Variants in TMEM132D observed in about 807,000 individuals in gnomAD.
TMEM132D encodes the protein transmembrane protein 132D.
TMEM132D carries 21 observed loss-of-function variants against 62.3 expected under a neutral mutation model. That is an observed-to-expected ratio of 0.34 (90% CI 0.24 to 0.49). TMEM132D has a LOEUF of 0.49. Ranked by LOEUF, TMEM132D falls within the 20% of genes least tolerant of loss-of-function variation. TMEM132D has a pLI of 0.99. For missense variants in TMEM132D, 1,346 were observed against 1,402.8 expected, an observed-to-expected ratio of 0.96 and a Z score of 0.65; for synonymous variants, 621 against 575.6, an observed-to-expected ratio of 1.08 and a Z score of -1.13.
rs529054853 is a variant in TMEM132D at position 129,845,259 on chromosome 12, T to C, written c.79+58002A>G. On this transcript the variant is annotated intron_variant, in intron 1 of 8. Transcript: ENST00000422113. ...GCTAACTAATAATCAAAACAACACT[T>C]CCCTATAAGAATGTTTAAATGCAGA... Among the ~76,000 whole-genome samples, 250 of 152,268 alleles carry C rather than the reference T, an allele frequency of 1.6e-3. 1 individual carries two copies. The highest frequency in any genetic ancestry group is 5.4e-3 in the African/African-American group (224 of 41,544).
At chr12:129,538,399 T>C (rs1377621470) in intron 2 of TMEM132D, among the ~76,000 whole-genome samples, 4 of 152,158 alleles carry the variant, frequency 2.6e-5, no homozygotes, top group African/African-American at 7.2e-5. Context: ...GAGTATGATA[T>C]GAATGGGGCC....
chr12:129,894,927 C>T (rs540763212), intron 1 of TMEM132D, among the ~76,000 whole-genome samples: 4 of 152,182 alleles, frequency 2.6e-5, no homozygotes, highest in Non-Finnish European at 4.4e-5. Context: ...GTTAGATTGT[C>T]CTCATCTCAG....
At chr12:129,629,821 C>A (rs1333077762) in intron 2 of TMEM132D, among the ~76,000 whole-genome samples, 1 of 152,132 alleles carries the variant, frequency 6.6e-6, no homozygotes, top group African/African-American at 2.4e-5. Context: ...TGCCACATGA[C>A]CTAGCTTGGC....
In TMEM132D at chr12:129,860,690, T is replaced by C. The variant is rs1043274350; in HGVS notation, c.79+42571A>G. Among the ~76,000 whole-genome samples, 8 of 152,286 alleles carry C rather than the reference T, an allele frequency of 5.3e-5. No individual in the cohort carries two copies. In the South Asian group the frequency reaches 8.3e-4, roughly 16 times the overall value. The stretch of plus-strand genomic sequence containing the variant: ...AAAACATATCCGAGACTGGGTAATA[T>C]ATATAAAGGAAAGAGGTTTAATTGA... On this transcript the variant is annotated intron_variant, in intron 1 of 8. Coordinates refer to ENST00000422113, the MANE Select transcript of TMEM132D (RefSeq NM_133448.3).
At chr12:129,205,718 TCTC>T (rs1477641151) in intron 5 of TMEM132D, among the ~76,000 whole-genome samples, 1 of 152,072 alleles carries the variant, frequency 6.6e-6, no homozygotes, top group African/African-American at 2.4e-5. Context: ...TATACATTCT[TCTC>T]ATCACCACGT....
At chr12:129,087,838 A>C (rs1874669964) in intron 5 of TMEM132D, among the ~76,000 whole-genome samples, 1 of 147,482 alleles carries the variant, frequency 6.8e-6, no homozygotes, top group Admixed American at 6.9e-5. Flanking sequence ...GGGGAGAATG[A>C]CACACCGCAG....
At chr12:129,657,911 A>G (rs547970514) in intron 2 of TMEM132D, among the ~76,000 whole-genome samples, 190 of 152,374 alleles carry the variant, frequency 1.2e-3, no homozygotes, top group Non-Finnish European at 2.3e-3. Flanking sequence ...GAACATAATC[A>G]TGACATTGCC....
chr12:129,816,226 TG>T (rs1468608500), intron 1 of TMEM132D, among the ~76,000 whole-genome samples: 2 of 152,210 alleles, frequency 1.3e-5, no homozygotes, highest in Non-Finnish European at 2.9e-5. Flanking sequence ...ATGTAGAAAA[TG>T]ATGTCAGTCA....
intron 1 of TMEM132D, among the ~76,000 whole-genome samples, chr12:129,807,947 G>C (rs1872048853): frequency 2.0e-5 from 3 of 152,192 alleles, no homozygotes; most frequent in Non-Finnish European, 4.4e-5. Context: ...GAGTTCCAAA[G>C]CAGCAGCAAG....
At chr12:129,727,106 T>C (rs1489803843) in intron 1 of TMEM132D, among the ~76,000 whole-genome samples, 3 of 152,258 alleles carry the variant, frequency 2.0e-5, no homozygotes, top group Admixed American at 6.5e-5. Flanking sequence ...TAAAGTTCCA[T>C]TGTAGATTTT....
intron 2 of TMEM132D, among the ~76,000 whole-genome samples, chr12:129,568,371 T>A (rs1441540073): frequency 6.6e-6 from 1 of 152,186 alleles, no homozygotes; most frequent in Non-Finnish European, 1.5e-5. Flanking sequence ...CAAACGCAAT[T>A]CCCTGTGAGT....
intron 3 of TMEM132D, among the ~76,000 whole-genome samples, chr12:129,350,893 CTT>C (rs899023958): frequency 1.3e-5 from 2 of 152,226 alleles, no homozygotes; most frequent in African/African-American, 4.8e-5. Context: ...TCCACCCCAA[CTT>C]TAGGTTATGC....
chr12:129,185,371 C>A (rs923708542), intron 5 of TMEM132D, among the ~76,000 whole-genome samples: 3 of 151,970 alleles, frequency 2.0e-5, no homozygotes, highest in African/African-American at 7.3e-5. Flanking sequence ...GAAAACAAAA[C>A]AAAATAAAAC....
intron 5 of TMEM132D, among the ~76,000 whole-genome samples, chr12:129,181,765 C>T (rs1292963946): frequency 6.6e-6 from 1 of 152,194 alleles, no homozygotes; most frequent in African/African-American, 2.4e-5. Flanking sequence ...GATTCCATTT[C>T]CAAGTCATCA....
At chr12:129,563,973 G>A (rs1740954197) in intron 2 of TMEM132D, among the ~76,000 whole-genome samples, 1 of 152,180 alleles carries the variant, frequency 6.6e-6, no homozygotes, top group Non-Finnish European at 1.5e-5. Context: ...CAAACTCCTG[G>A]CTGATAGGAA....
intron 3 of TMEM132D, among the ~76,000 whole-genome samples, chr12:129,362,827 C>A (rs1480380900): frequency 6.6e-6 from 1 of 152,068 alleles, no homozygotes; most frequent in African/African-American, 2.4e-5. Context: ...CAATTATACA[C>A]AATTAGTTTC....
chr12:129,223,290 C>G (rs558687631), intron 4 of TMEM132D, among the ~76,000 whole-genome samples: 1 of 152,044 alleles, frequency 6.6e-6, no homozygotes, highest in South Asian at 2.1e-4. Context: ...GAGGCTAGGT[C>G]CTAAAAGCCA....
At chr12:129,612,923 T>A (rs1050878383) in intron 2 of TMEM132D, among the ~76,000 whole-genome samples, 1 of 152,148 alleles carries the variant, frequency 6.6e-6, no homozygotes, top group South Asian at 2.1e-4. Context: ...GTTTTGTCAA[T>A]CTAATATTTT....
chr12:129,082,109 G>T (rs1874473275), intron 6 of TMEM132D, 77 bp from the exon 7 acceptor site: 1 of 1,506,568 alleles, frequency 6.6e-7, no homozygotes, highest in South Asian at 1.3e-5. Context: ...AGCCTGGTGG[G>T]GGCTGCAGAG....
Sources: gnomAD v4.1 joint callset for allele counts (sites outside exome capture counted in the v4.1 genomes callset) on GRCh38, gnomAD v4.1.1 for gene constraint, MANE v1.5 for transcripts, NCBI Gene and HGNC (gene_info 2026-07-23, HGNC 2026-07-21) for gene names.